DARS2: variants seen among roughly 807,000 people sequenced by gnomAD.
DARS2 encodes aspartate--tRNA ligase, mitochondrial.
DARS2 carries 63 observed loss-of-function variants against 83.0 expected under a neutral mutation model. The observed-to-expected ratio is 0.76, with a 90% CI of 0.62 to 0.94. The LOEUF (loss-of-function observed/expected upper bound fraction) is 0.94. Ranked by LOEUF, DARS2 falls within the 40% of genes least tolerant of loss-of-function variation. The pLI, the probability that DARS2 is intolerant of heterozygous loss-of-function variation, is 0.00. For missense variants in DARS2, 675 were observed against 774.4 expected, an observed-to-expected ratio of 0.87 and a Z score of 1.52; for synonymous variants, 250 against 269.3, an observed-to-expected ratio of 0.93 and a Z score of 0.70.
chr1:173,828,312 T>TGGGGGG, intron 2 of DARS2, 21 bp from the exon 3 acceptor site: 4 of 1,551,344 alleles, frequency 2.6e-6, no homozygotes, highest in Non-Finnish European at 3.5e-6. Context: ...AATGTTTCTT[T>TGGGGGG]TCCCCCCCCC....
chr1:173,840,970 A>G lies in DARS2; in HGVS notation c.1125A>G (p.Gly375=). The change falls in exon 11 of 17, where the codon GGA becomes GGG. Residue 375 remains glycine (G), a synonymous_variant. Transcript: ENST00000649689. ...GTVKAICIPE[G]AKYLKRKDIE... ...TGAAAGCCATATGTATCCCTGAAGG[A>G]GCAGTAAGTGAAGTACAGTTCTATG... 6.4e-7 allele frequency: 1 copy of G among 1,572,216 alleles called. No individual in the cohort carries two copies. The highest frequency in any genetic ancestry group is 2.2e-5 in the East Asian group (1 of 44,638).
chr1:173,844,007 A>G (rs1316133276), intron 11 of DARS2, among the ~76,000 whole-genome samples: 1 of 152,176 alleles, frequency 6.6e-6, no homozygotes, highest in Non-Finnish European at 1.5e-5. Flanking sequence ...CACACATGGG[A>G]GTTATGATAA....
chr1:173,827,507 T>G (rs1652628072), intron 2 of DARS2, among the ~76,000 whole-genome samples: 1 of 152,146 alleles, frequency 6.6e-6, no homozygotes, highest in Non-Finnish European at 1.5e-5. Flanking sequence ...GATGCTCGTC[T>G]GTAATTCTAG....
Position 173,837,322 on chromosome 1 carries a change from T to G in DARS2, c.770+276T>G, listed in dbSNP as rs182584857. Among the ~76,000 whole-genome samples, 19 of 151,928 alleles carry G rather than the reference T, an allele frequency of 1.3e-4. No individual in the cohort carries two copies. The East Asian group carries it at 3.1e-3, about 25-fold the overall frequency. ...TCTACTCTCAAGGTGTTAAGGCTAG[T>G]AAGCCAGAATAGGATAATGAATAAA... On this transcript the variant is annotated intron_variant, in intron 8 of 16. Coordinates refer to ENST00000649689, the MANE Select transcript of DARS2 (RefSeq NM_018122.5).
At chr1:173,838,138 G>A in intron 8 of DARS2, 52 bp from the exon 9 acceptor site, 1 of 1,423,782 alleles carries the variant, frequency 7.0e-7, no homozygotes, top group Non-Finnish European at 9.9e-7. Context: ...GGGGAAAAGT[G>A]TGTATGTCTT....
Position 173,834,777 on chromosome 1 carries a change from TTTTTG to T in DARS2, c.663+263_663+267del, listed in dbSNP as rs1489046591. 2.4e-3 allele frequency among the ~76,000 whole-genome samples: 247 copies of T among 100,922 alleles called. 20 individuals carry two copies. The highest frequency in any genetic ancestry group is 0.011 in the African/African-American group (226 of 21,416). 66.2% of individuals were successfully genotyped at this position (100,922 alleles called of 152,430 possible). A position where few individuals can be genotyped will look rare whatever the true frequency, so the allele number is the denominator to read the frequency against. ...TTTTTTGGTTTGTTTTGGGTTTTTTTTTTTGTTTTTTTTTTTTTTTTGAGACAGTC... is the reference window on the plus strand; with the variant it reads ...TTTTTTGGTTTGTTTTGGGTTTTTTTTTTTTTTTTTTTTTTTGAGACAGTC... On this transcript the variant is annotated intron_variant, in intron 7 of 16. Transcript: ENST00000649689.
rs569352080 is a variant in DARS2 at position 173,849,248 on chromosome 1, T to C, written c.1192-1079T>C. Reference sequence around the variant, plus strand: ...AAGAAAGGGGCATTTTAAAAGCTGGTTGGGGCCGGGTGCAGTGACTCACGC... The same window carrying C: ...AAGAAAGGGGCATTTTAAAAGCTGGCTGGGGCCGGGTGCAGTGACTCACGC... On this transcript the variant is annotated intron_variant, in intron 12 of 16. Transcript: ENST00000649689. Among the ~76,000 whole-genome samples, 6 of 151,626 alleles carry C rather than the reference T, an allele frequency of 4.0e-5. No homozygotes were observed. The East Asian group carries it at 1.2e-3, about 29-fold the overall frequency.
chr1:173,857,430 A>C, intron 16 of DARS2, 88 bp from the exon 17 acceptor site: 1 of 1,366,500 alleles, frequency 7.3e-7, no homozygotes, highest in Non-Finnish European at 1.0e-6. Flanking sequence ...TCTTATTTAA[A>C]AGTTTTCTAC....
chr1:173,852,746 G>A (rs1379626747), intron 13 of DARS2, among the ~76,000 whole-genome samples: 10 of 152,064 alleles, frequency 6.6e-5, no homozygotes, highest in East Asian at 5.8e-4. Context: ...CTTGTGATCC[G>A]CCCGCCTCGG....
chr1:173,833,948 G>A (rs1652885709), intron 6 of DARS2, among the ~76,000 whole-genome samples: 1 of 151,952 alleles, frequency 6.6e-6, no homozygotes, highest in South Asian at 2.1e-4. Flanking sequence ...TTTTTGTAGA[G>A]ACAGGGTCTC....
At chr1:173,856,624 C>A (rs1653868605) in intron 15 of DARS2, 42 bp from the exon 16 acceptor site, 5 of 1,580,852 alleles carry the variant, frequency 3.2e-6, no homozygotes, top group African/African-American at 1.3e-5. Context: ...ACTTAGTGGA[C>A]CTTCAAAATA....
intron 11 of DARS2, among the ~76,000 whole-genome samples, chr1:173,842,284 C>CTTTTTGTTTTTTTTTTTTTTTTTT (rs1653251866): frequency 1.6e-5 from 1 of 64,224 alleles, no homozygotes; most frequent in Non-Finnish European, 2.7e-5. Context: ...TCATTACTTT[C>CTTTTTGTTTTTTTTTTTTTTTTTT]TTTTTTTTTT....
chr1:173,831,544 A>G lies in DARS2; in HGVS notation c.406A>G (p.Thr136Ala), dbSNP rs747421046. 5.0e-6 allele frequency: 8 copies of G among 1,613,770 alleles called. No individual in the cohort carries two copies. Among genetic ancestry groups the G allele is most frequent in the South Asian group, 3.3e-5 (3 of 91,064 alleles). The change falls in exon 5 of 17, where the codon ACA becomes GCA. Residue 136 changes from threonine to alanine, a missense_variant. By Grantham distance (58) the Thr-to-Ala change is moderately conservative. Coordinates refer to ENST00000649689, the MANE Select transcript of DARS2 (RefSeq NM_018122.5). ...PAGQENPKMP[T>A]GEIEIKVKTA... ...CTTCTCACTCTCCAAGAAAATGCCA[A>G]CAGGTGAGATTGAAATCAAAGTTAA...
Position 173,833,487 on chromosome 1 carries a change from T to C in DARS2, c.604T>C (p.Cys202Arg). Residue 202 changes from cysteine (C) to arginine (R), a missense_variant, in exon 6 of 17, where the codon TGT becomes CGT. Transcript: ENST00000649689. ...QMVMKMREYL[C>R]NLHGFVDIET... ...GGTCATGAAAATGCGGGAATATCTC[T>C]GTAATCTGCATGGTAAGAGAAATGC... The C allele has an allele frequency of 6.2e-7, 1 of 1,614,120 alleles. No individual in the cohort carries two copies. The highest frequency in any genetic ancestry group is 8.5e-7 in the Non-Finnish European group (1 of 1,179,976).
intron 12 of DARS2, among the ~76,000 whole-genome samples, chr1:173,845,823 A>G (rs1653412990): frequency 6.6e-6 from 1 of 152,042 alleles, no homozygotes; most frequent in Non-Finnish European, 1.5e-5. Flanking sequence ...GGAGTTTGAG[A>G]CCAATCTGGC....
intron 11 of DARS2, among the ~76,000 whole-genome samples, chr1:173,842,044 G>A (rs903763307): frequency 3.0e-4 from 46 of 152,030 alleles, no homozygotes; most frequent in African/African-American, 1.1e-3. Context: ...AAAAGGAAGG[G>A]GAAGAAGTGG....
chr1:173,834,336 A>C (rs1164234882), intron 6 of DARS2, 137 bp from the exon 7 acceptor site: 2 of 682,218 alleles, frequency 2.9e-6, no homozygotes, highest in Admixed American at 2.2e-5. Context: ...AACCAGCACC[A>C]GTAGGCTTGG....
chr1:173,835,472 A>T (rs1652969931), intron 7 of DARS2, among the ~76,000 whole-genome samples: 1 of 151,426 alleles, frequency 6.6e-6, no homozygotes, highest in Admixed American at 6.6e-5. Flanking sequence ...GGGAGGCTGA[A>T]GCAAGGAGGA....
At chr1:173,833,134 A>G (rs1652855849) in intron 5 of DARS2, among the ~76,000 whole-genome samples, 2 of 152,336 alleles carry the variant, frequency 1.3e-5, no homozygotes, top group South Asian at 4.1e-4. Context: ...ATAAATGTTT[A>G]GTAAAGTAGG....
Sources: allele counts gnomAD v4.1 joint callset (sites outside exome capture counted in the v4.1 genomes callset), GRCh38; gene constraint gnomAD v4.1.1; transcripts MANE v1.5; gene names NCBI Gene and HGNC (gene_info 2026-07-23, HGNC 2026-07-21).